The following POU2F1 variants were observed in gnomAD, a reference collection of about 807,000 sequenced individuals.
The protein encoded by POU2F1 is POU domain, class 2, transcription factor 1.
POU2F1 carries 16 observed loss-of-function variants against 84.9 expected under a neutral mutation model. The observed-to-expected ratio is 0.19, with a 90% CI of 0.13 to 0.29. The LOEUF (loss-of-function observed/expected upper bound fraction) is 0.29, where lower values mean the gene tolerates loss of function less well. Among genes scored for constraint, POU2F1 ranks in the 10% least tolerant of loss-of-function variants. The probability of loss-of-function intolerance (pLI) is 1.00; values close to 1 mark genes in which losing one functional copy is unlikely to be tolerated. For synonymous variants in POU2F1, 368 were observed against 368.3 expected (o/e 1.00, Z 0.01); for missense variants, 738 against 942.6 (o/e 0.78, Z 2.84).
intron 1 of POU2F1, among the ~76,000 whole-genome samples, chr1:167,243,508 T>C (rs1650067840): frequency 6.6e-6 from 1 of 152,258 alleles, no homozygotes; most frequent in Non-Finnish European, 1.5e-5. Flanking sequence ...GGAGTCTCGC[T>C]CTTGTCGCCC....
At chr1:167,320,130 G>A (rs1193143253) in intron 1 of POU2F1, among the ~76,000 whole-genome samples, 8 of 150,312 alleles carry the variant, frequency 5.3e-5, no homozygotes, top group Non-Finnish European at 4.4e-5. Context: ...AAGTAAAGTC[G>A]TCAGCTGCTC....
intron 1 of POU2F1, 75 bp downstream of exon 1, chr1:167,221,033 C>A: frequency 2.3e-6 from 3 of 1,289,542 alleles, no homozygotes; most frequent in Non-Finnish European, 3.2e-6. Context: ...CGCGACTTAG[C>A]ATAATTTATT....
intron 15 of POU2F1, 145 bp downstream of exon 15, chr1:167,413,259 T>C: frequency 1.4e-6 from 1 of 709,992 alleles, no homozygotes; most frequent in Non-Finnish European, 2.3e-6. Flanking sequence ...AAATGCTGAC[T>C]AACTTGTTCT....
chr1:167,406,957 ATC>A (rs1649619127), intron 13 of POU2F1, among the ~76,000 whole-genome samples: 1 of 151,840 alleles, frequency 6.6e-6, no homozygotes, highest in Non-Finnish European at 1.5e-5. Flanking sequence ...ATATATGTGC[ATC>A]TCTCTTTCTC....
intron 1 of POU2F1, among the ~76,000 whole-genome samples, chr1:167,277,932 G>C (rs1340070372): frequency 6.6e-6 from 1 of 152,034 alleles, no homozygotes. Flanking sequence ...GTCTGAGTAG[G>C]ATTATCTCCC....
At chr1:167,391,181 C>T (rs1055108905) in intron 9 of POU2F1, among the ~76,000 whole-genome samples, 1 of 152,114 alleles carries the variant, frequency 6.6e-6, no homozygotes. Flanking sequence ...CTCAATCAAC[C>T]CTCCCGCCTT....
intron 1 of POU2F1, among the ~76,000 whole-genome samples, chr1:167,246,850 A>T (rs1171493702): frequency 6.6e-6 from 1 of 152,200 alleles, no homozygotes; most frequent in Non-Finnish European, 1.5e-5. Flanking sequence ...TATGTACTTT[A>T]TGGAAGGAGT....
intron 1 of POU2F1, among the ~76,000 whole-genome samples, chr1:167,246,096 AG>A (rs1383698393): frequency 6.6e-6 from 1 of 152,374 alleles, no homozygotes; most frequent in East Asian, 1.9e-4. Context: ...CAAAAATAGA[AG>A]TAATGATAAT....
At chr1:167,299,734 C>G in intron 1 of POU2F1, among the ~76,000 whole-genome samples, 1 of 146,970 alleles carries the variant, frequency 6.8e-6, no homozygotes, top group Non-Finnish European at 1.5e-5. Flanking sequence ...TGTTCCTCAC[C>G]TAGTTCCAAA....
chr1:167,237,394 G>C (rs1478748380), intron 1 of POU2F1, among the ~76,000 whole-genome samples: 1 of 152,166 alleles, frequency 6.6e-6, no homozygotes, highest in African/African-American at 2.4e-5. Context: ...AAAAGAAACA[G>C]GTTACAGTAA....
At chr1:167,272,265 T>G (rs1652418180) in intron 1 of POU2F1, among the ~76,000 whole-genome samples, 2 of 152,094 alleles carry the variant, frequency 1.3e-5, no homozygotes, top group South Asian at 4.1e-4. Context: ...GTGAATGGTT[T>G]TCATTCTGAA....
intron 4 of POU2F1, among the ~76,000 whole-genome samples, chr1:167,371,577 G>A (rs927118174): frequency 6.6e-6 from 1 of 152,126 alleles, no homozygotes; most frequent in Non-Finnish European, 1.5e-5. Flanking sequence ...TAAAATATTG[G>A]TTTGGAAGGT....
chr1:167,221,254 C>T (rs1648126387), intron 1 of POU2F1, among the ~76,000 whole-genome samples: 1 of 147,260 alleles, frequency 6.8e-6, no homozygotes, highest in Non-Finnish European at 1.5e-5. Flanking sequence ...CACCGGCCCT[C>T]CTCCTCTGCC....
chr1:167,343,712 A>T (rs895920429), intron 2 of POU2F1, among the ~76,000 whole-genome samples: 4 of 115,644 alleles, frequency 3.5e-5, no homozygotes, highest in Non-Finnish European at 6.5e-5. Context: ...AGTAATTTAA[A>T]ATGAATACTT....
chr1:167,271,041 T>C (rs1183368966), intron 1 of POU2F1, among the ~76,000 whole-genome samples: 1 of 152,238 alleles, frequency 6.6e-6, no homozygotes, highest in Non-Finnish European at 1.5e-5. Context: ...TTAACACATT[T>C]CAAATATTGT....
At chr1:167,391,746 C>T (rs1648426258) in intron 9 of POU2F1, among the ~76,000 whole-genome samples, 2 of 150,278 alleles carry the variant, frequency 1.3e-5, no homozygotes, top group Admixed American at 1.3e-4. Context: ...TTTGTAGAGA[C>T]AAGGTCTTGT....
intron 1 of POU2F1, among the ~76,000 whole-genome samples, chr1:167,328,337 G>C (rs1656844907): frequency 6.6e-6 from 1 of 152,146 alleles, no homozygotes. Context: ...CACTGCTTCT[G>C]GGTTTACTGT....
intron 15 of POU2F1, chr1:167,414,257 TA>T (rs1650161817): frequency 1.3e-5 from 12 of 923,960 alleles, no homozygotes; most frequent in Non-Finnish European, 1.4e-5. Flanking sequence ...GAATTTGTGA[TA>T]AATCACTTTT....
chr1:167,374,586 GTATT>G (rs1292514787), intron 6 of POU2F1, among the ~76,000 whole-genome samples: 13 of 152,242 alleles, frequency 8.5e-5, no homozygotes, highest in African/African-American at 3.1e-4. Flanking sequence ...GGGGATTACT[GTATT>G]TATTTTAATT....
Sources: allele counts gnomAD v4.1 joint callset (sites outside exome capture counted in the v4.1 genomes callset), GRCh38; gene constraint gnomAD v4.1.1; transcripts MANE v1.5; gene names NCBI Gene and HGNC (gene_info 2026-07-23, HGNC 2026-07-21).